The following CSMD2 variants were observed in gnomAD, a reference collection of about 807,000 sequenced individuals.
CSMD2 encodes CUB and Sushi multiple domains 2.
CSMD2 carries 130 observed loss-of-function variants against 398.5 expected under a neutral mutation model. The observed-to-expected ratio is 0.33, with a 90% confidence interval of 0.28 to 0.38. CSMD2 has a LOEUF of 0.38. CSMD2 is among the 10% of genes least tolerant of loss of function. The pLI, the probability that CSMD2 is intolerant of heterozygous loss-of-function variation, is 1.00. For missense variants in CSMD2, 3,829 were observed against 4,764.9 expected, an observed-to-expected ratio of 0.80 and a Z score of 5.78; for synonymous variants, 1,828 against 1,908.5, an observed-to-expected ratio of 0.96 and a Z score of 1.10.
chr1:33,630,972 C>T (rs1642433543), intron 32 of CSMD2, among the ~76,000 whole-genome samples: 2 of 151,258 alleles, frequency 1.3e-5, no homozygotes, highest in South Asian at 4.2e-4. Flanking sequence ...AAATAATGAA[C>T]AGAGCTCTCA....
chr1:33,711,506 T>TAGCC (rs1036335841), intron 21 of CSMD2, among the ~76,000 whole-genome samples: 6 of 152,214 alleles, frequency 3.9e-5, no homozygotes, highest in Admixed American at 2.0e-4. Context: ...TAGCACATAG[T>TAGCC]AGCCTCTCCA....
chr1:34,098,425 A>T (rs888093700), intron 1 of CSMD2, among the ~76,000 whole-genome samples: 3 of 149,844 alleles, frequency 2.0e-5, no homozygotes, highest in African/African-American at 7.3e-5. Context: ...ATAAAAAAAT[A>T]AATAAATAAA....
chr1:33,784,474 C>A (rs768576288), intron 12 of CSMD2, among the ~76,000 whole-genome samples: 1 of 152,186 alleles, frequency 6.6e-6, no homozygotes, highest in African/African-American at 2.4e-5. Flanking sequence ...GTGGCCCACC[C>A]AACTTAGCCC....
chr1:33,846,578 C>G (rs746667), intron 6 of CSMD2, among the ~76,000 whole-genome samples: 119,234 of 152,178 alleles, frequency 0.78, 47,746 homozygotes, highest in African/African-American at 0.94. Flanking sequence ...AAAGGAGATG[C>G]TACTTGCCAA....
At chr1:34,005,936 C>T (rs1175934377) in intron 3 of CSMD2, among the ~76,000 whole-genome samples, 2 of 152,218 alleles carry the variant, frequency 1.3e-5, no homozygotes, top group Non-Finnish European at 2.9e-5. Flanking sequence ...AGCACATGTG[C>T]CACTATTTTG....
chr1:33,700,797 G>T, intron 22 of CSMD2, 124 bp from the exon 23 acceptor site: 2 of 886,686 alleles, frequency 2.3e-6, no homozygotes, highest in Non-Finnish European at 3.5e-6. Flanking sequence ...GAGGCACAGT[G>T]AGTTATCAGA....
intron 1 of CSMD2, among the ~76,000 whole-genome samples, chr1:34,149,661 G>C (rs1311403148): frequency 1.3e-5 from 2 of 152,232 alleles, no homozygotes; most frequent in Non-Finnish European, 2.9e-5. Context: ...AAGCAGTTTA[G>C]GAATGCTAAT....
chr1:33,921,173 A>G (rs1174071456), intron 4 of CSMD2, among the ~76,000 whole-genome samples: 2 of 152,116 alleles, frequency 1.3e-5, no homozygotes, highest in African/African-American at 4.8e-5. Context: ...CCCTCAACCC[A>G]GCTTCCCAGG....
intron 3 of CSMD2, among the ~76,000 whole-genome samples, chr1:34,012,446 AT>A (rs981900153): frequency 1.5e-4 from 23 of 148,966 alleles, no homozygotes; most frequent in African/African-American, 2.5e-4. Flanking sequence ...TAACTTGTCT[AT>A]TTTTTTTTTC....
At chr1:34,102,668 A>G (rs5006262) in intron 1 of CSMD2, among the ~76,000 whole-genome samples, 2,711 of 50,708 alleles carry the variant, frequency 0.053, 10 homozygotes, top group East Asian at 0.16. Context: ...ATATCCCTGT[A>G]ATCCGGCCAT....
At chr1:33,837,091 G>C (rs906720892) in intron 6 of CSMD2, among the ~76,000 whole-genome samples, 2 of 152,170 alleles carry the variant, frequency 1.3e-5, no homozygotes, top group African/African-American at 4.8e-5. Flanking sequence ...GTCACACCCT[G>C]AGTTATATAT....
At chr1:33,986,798 ACC>A (rs1646374011) in intron 3 of CSMD2, among the ~76,000 whole-genome samples, 1 of 152,042 alleles carries the variant, frequency 6.6e-6, no homozygotes, top group East Asian at 1.9e-4. Context: ...AGGTAAACAG[ACC>A]TCTGTCAGCA....
chr1:33,766,376 A>T lies in CSMD2; in HGVS notation c.1846+6193T>A, dbSNP rs542785759. ...AGATGTCAAGTCTATGCCCCATGAG[A>T]AGAGGGGCTGTTGCTCTTCTGTTCA... On this transcript the variant is annotated intron_variant, in intron 13 of 70. Transcript: ENST00000373381. 7.9e-5 allele frequency among the ~76,000 whole-genome samples: 12 copies of T among 152,226 alleles called. No individual in the cohort carries two copies. In the East Asian group the frequency reaches 2.3e-3, roughly 29 times the overall value.
chr1:33,764,157 T>C (rs1352677587), intron 13 of CSMD2, among the ~76,000 whole-genome samples: 1 of 152,064 alleles, frequency 6.6e-6, no homozygotes, highest in East Asian at 1.9e-4. Flanking sequence ...ACTGGCCTGG[T>C]AGGACAAGAA....
chr1:33,644,583 G>A (rs762729385), intron 29 of CSMD2, among the ~76,000 whole-genome samples: 2 of 152,182 alleles, frequency 1.3e-5, no homozygotes, highest in Non-Finnish European at 2.9e-5. Context: ...CTGTGTGGGT[G>A]TGGGTTCAAC....
At chr1:33,815,095 A>T (rs1657308867) in intron 9 of CSMD2, among the ~76,000 whole-genome samples, 1 of 152,142 alleles carries the variant, frequency 6.6e-6, no homozygotes, top group African/African-American at 2.4e-5. Context: ...CGACAGATTC[A>T]TGGTTTGCCA....
chr1:34,081,533 C>T (rs565583803), intron 2 of CSMD2, among the ~76,000 whole-genome samples: 1 of 152,264 alleles, frequency 6.6e-6, no homozygotes, highest in South Asian at 2.1e-4. Flanking sequence ...ATTCTCCTGC[C>T]TCGGCCTGCC....
At chr1:34,008,886 A>G (rs80070040) in intron 3 of CSMD2, among the ~76,000 whole-genome samples, 1,726 of 152,268 alleles carry the variant, frequency 0.011, 62 homozygotes, top group East Asian at 0.11. Context: ...TGAATGAATG[A>G]ATGTTGATTT....
chr1:33,699,345 C>T (rs964440852), intron 23 of CSMD2, among the ~76,000 whole-genome samples: 7 of 152,138 alleles, frequency 4.6e-5, no homozygotes, highest in Admixed American at 6.5e-5. Flanking sequence ...CTTAAACATA[C>T]GCTGTTGAAA....
Sources: gnomAD v4.1 joint callset for allele counts (sites outside exome capture counted in the v4.1 genomes callset) on GRCh38, gnomAD v4.1.1 for gene constraint, MANE v1.5 for transcripts, NCBI Gene and HGNC (gene_info 2026-07-23, HGNC 2026-07-21) for gene names.